CHRNA3: variants seen among roughly 807,000 people sequenced by gnomAD.
CHRNA3 encodes cholinergic receptor nicotinic alpha 3 subunit.
CHRNA3 carries 34 observed loss-of-function variants against 41.9 expected under a neutral mutation model. The observed-to-expected ratio is 0.81, with a 90% CI of 0.62 to 1.08. CHRNA3 has a LOEUF of 1.08. Among genes scored for constraint, CHRNA3 ranks in the 50% least tolerant of loss-of-function variants. CHRNA3 has a pLI of 0.00. For missense variants in CHRNA3, 542 were observed against 638.3 expected (o/e 0.85, Z 1.63); for synonymous variants, 281 against 265.2 (o/e 1.06, Z -0.58).
chr15:78,613,160 G>T (rs570987642), intron 4 of CHRNA3, among the ~76,000 whole-genome samples: 349 of 152,322 alleles, frequency 2.3e-3, no homozygotes, highest in Non-Finnish European at 3.7e-3. Context: ...AAGTCAGTGT[G>T]CCGATTCCTC....
intron 3 of CHRNA3, 107 bp from the exon 4 acceptor site, chr15:78,617,240 G>A: frequency 1.5e-6 from 1 of 686,478 alleles, no homozygotes; most frequent in Non-Finnish European, 2.6e-6. Flanking sequence ...TGCTGCATGT[G>A]ACCGAACCAC....
At chr15:78,608,737 C>G (rs190295736) in intron 4 of CHRNA3, among the ~76,000 whole-genome samples, 2 of 152,138 alleles carry the variant, frequency 1.3e-5, no homozygotes, top group Non-Finnish European at 2.9e-5. Flanking sequence ...CGGAGAATGA[C>G]TTTGACAAGT....
chr15:78,609,575 G>T (rs2053350070), intron 4 of CHRNA3, among the ~76,000 whole-genome samples: 1 of 152,172 alleles, frequency 6.6e-6, no homozygotes, highest in Non-Finnish European at 1.5e-5. Flanking sequence ...GCTCCTGAAG[G>T]AAGCGCTAAA....
intron 1 of CHRNA3, chr15:78,619,208 G>A: frequency 4.3e-6 from 2 of 469,662 alleles, no homozygotes; most frequent in Non-Finnish European, 7.7e-6. Context: ...CTTGTAAGCT[G>A]TGTGAGCTTA....
In CHRNA3 at chr15:78,602,069, C is replaced by G. The variant is rs748594252; in HGVS notation, c.573G>C (p.Leu191=). Residue 191 remains leucine (L), a synonymous_variant, in exon 5 of 6, where the codon CTG becomes CTC. Transcript: ENST00000326828. ...SYDKAKIDLV[L]IGSSMNLKDY... is the part of the protein sequence containing the mutation. ...CCTTGAGGTTCATGGAAGAGCCGATCAGGACCAGATCGATTTTCGCCTTAT... is the reference window on the plus strand; with the variant it reads ...CCTTGAGGTTCATGGAAGAGCCGATGAGGACCAGATCGATTTTCGCCTTAT... 20 of 1,614,056 alleles carry G rather than the reference C, an allele frequency of 1.2e-5. No homozygotes were observed. Among genetic ancestry groups the G allele is most frequent in the South Asian group, 4.4e-5 (4 of 91,086 alleles).
At chr15:78,593,254 A>G, downstream of CHRNA3, 2 of 1,608,820 alleles carry the variant, frequency 1.2e-6, no homozygotes, top group South Asian at 2.2e-5. Context: ...AAATAAGTGA[A>G]GCCTCCCAAG....
chr15:78,607,260 G>A (rs1596077296), intron 4 of CHRNA3, among the ~76,000 whole-genome samples: 1 of 151,546 alleles, frequency 6.6e-6, no homozygotes, highest in African/African-American at 2.4e-5. Flanking sequence ...ATAAAGAGGA[G>A]CCAAGAATTT....
chr15:78,596,166 G>T lies in CHRNA3; in HGVS notation c.*438C>A. On this transcript the variant is annotated 3_prime_UTR_variant, in exon 6 of 6. Transcript: ENST00000326828. ...AAATGCATGGTAAGAAATGGGTAAC[G>T]ATGGGGGATTGCTGAATTAGTATAA... The T allele has an allele frequency of 1.0e-6, 1 of 981,818 alleles. No individual in the cohort carries two copies. Among genetic ancestry groups the T allele is most frequent in the Non-Finnish European group, 1.2e-6 (1 of 826,834 alleles). 60.8% of individuals were successfully genotyped at this position (981,818 alleles called of 1,614,324 possible).
chr15:78,619,794 G>C (rs1168244311), intron 1 of CHRNA3: 8 of 152,254 alleles, frequency 5.3e-5, no homozygotes, highest in Admixed American at 5.2e-4. Flanking sequence ...GGGGAAGCGG[G>C]AGGAGAATCC....
At chr15:78,607,785 G>A (rs888967957) in intron 4 of CHRNA3, among the ~76,000 whole-genome samples, 1 of 152,252 alleles carries the variant, frequency 6.6e-6, no homozygotes, top group African/African-American at 2.4e-5. Context: ...CCTCACTTGG[G>A]AAGCACAAGG....
At chr15:78,594,509 T>C (rs980846706), downstream of CHRNA3, 1 of 152,164 alleles carries the variant, frequency 6.6e-6, no homozygotes, top group Non-Finnish European at 1.5e-5. Flanking sequence ...AAGCCCCGTC[T>C]CTACTAAGAA....
chr15:78,601,130 A>ACACAGGC, intron 5 of CHRNA3, 123 bp downstream of exon 5: 1 of 896,136 alleles, frequency 1.1e-6, no homozygotes, highest in South Asian at 1.6e-5. Context: ...ACTGGTCTTA[A>ACACAGGC]CACAGGCCAC....
chr15:78,607,974 G>A (rs1235563751), intron 4 of CHRNA3, among the ~76,000 whole-genome samples: 1 of 152,234 alleles, frequency 6.6e-6, no homozygotes, highest in Non-Finnish European at 1.5e-5. Flanking sequence ...CTGATGGCTA[G>A]CACAGCAGTC....
downstream of CHRNA3, chr15:78,593,312 A>G: frequency 4.1e-6 from 6 of 1,459,144 alleles, no homozygotes; most frequent in Non-Finnish European, 5.5e-6. Flanking sequence ...GATGGCACCT[A>G]TAAAATTATG....
In CHRNA3 at chr15:78,618,638, C is replaced by G; in HGVS notation, c.246G>C (p.Glu82Asp). The change falls in exon 3 of 6, where the codon GAG becomes GAC. Residue 82 changes from glutamate to aspartate, a missense_variant. Coordinates refer to ENST00000326828, the MANE Select transcript of CHRNA3 (RefSeq NM_000743.5). ...VKVDEVNQIM[E>D]TNLWLKQIWN... ...TTACTTGCTTGAGCCACAGGTTGGT[C>G]TCCATGATCTGGTTTACTTCATCCT... The G allele has an allele frequency of 1.2e-6, 2 of 1,614,104 alleles. No individual in the cohort carries two copies. Among genetic ancestry groups the G allele is most frequent in the South Asian group, 1.1e-5 (1 of 91,068 alleles).
At chr15:78,600,228 C>A (rs2053176955) in intron 5 of CHRNA3, among the ~76,000 whole-genome samples, 1 of 152,110 alleles carries the variant, frequency 6.6e-6, no homozygotes, top group African/African-American at 2.4e-5. Context: ...GCACGTGCCA[C>A]CACGCCTGGC....
intron 2 of CHRNA3, 43 bp downstream of exon 2, chr15:78,618,733 G>GC (rs1324645413): frequency 6.2e-7 from 1 of 1,614,126 alleles, no homozygotes; most frequent in Non-Finnish European, 8.5e-7. Flanking sequence ...TCCTCCAGAA[G>GC]CCCCGGTCCC....
chr15:78,604,473 G>A (rs1255905534), intron 4 of CHRNA3, among the ~76,000 whole-genome samples: 1 of 152,182 alleles, frequency 6.6e-6, no homozygotes. Flanking sequence ...ATATACTAGA[G>A]GTTAGCTGAG....
At chr15:78,613,008 A>T (rs1191770495) in intron 4 of CHRNA3, among the ~76,000 whole-genome samples, 1 of 152,200 alleles carries the variant, frequency 6.6e-6, no homozygotes, top group Admixed American at 6.5e-5. Context: ...TGCAAATCAA[A>T]ACCACAATGA....
Sources: gnomAD v4.1 joint callset for allele counts (sites outside exome capture counted in the v4.1 genomes callset) on GRCh38, gnomAD v4.1.1 for gene constraint, MANE v1.5 for transcripts, NCBI Gene and HGNC (gene_info 2026-07-23, HGNC 2026-07-21) for gene names.